EHMT1: variants seen among roughly 807,000 people sequenced by gnomAD.
EHMT1 encodes the protein histone-lysine N-methyltransferase EHMT1.
Under a neutral mutation model 147.2 loss-of-function variants are expected in EHMT1, and 15 were observed. The observed-to-expected ratio is 0.10, with a 90% CI of 0.07 to 0.16. EHMT1 has a LOEUF of 0.16. EHMT1 is among the 10% of genes least tolerant of loss of function. EHMT1 has a pLI of 1.00. For synonymous variants in EHMT1, 795 were observed against 709.6 expected (o/e 1.12, Z -1.91); for missense variants, 1,587 against 1,772.4 (o/e 0.90, Z 1.88).
In EHMT1 at chr9:137,634,981, A is replaced by G. The variant is rs1156696978; in HGVS notation, c.21+15932A>G. ...GTGATCCGCCGGCCTCGGCCTCCCA[A>G]AGTGCTGGGATTACAGGTGTGAGCC... On this transcript the variant is annotated intron_variant, in intron 1 of 26. Coordinates refer to ENST00000460843, the MANE Select transcript of EHMT1 (RefSeq NM_024757.5). Among the ~76,000 whole-genome samples, 6 of 149,970 alleles carry G rather than the reference A, an allele frequency of 4.0e-5. No homozygotes were observed. In the Admixed American group the frequency reaches 4.0e-4, roughly 10 times the overall value.
intron 23 of EHMT1, 63 bp from the exon 24 acceptor site, chr9:137,817,376 C>T: frequency 6.3e-7 from 1 of 1,595,590 alleles, no homozygotes. Context: ...CTGGCTTTTG[C>T]TGACCATTGT....
chr9:137,625,535 G>A (rs185919952), intron 1 of EHMT1, among the ~76,000 whole-genome samples: 124 of 151,814 alleles, frequency 8.2e-4, no homozygotes, highest in African/African-American at 2.9e-3. Flanking sequence ...ATGGGGTTTT[G>A]TCATGTTGAC....
chr9:137,767,548 C>T (rs1240639282), intron 10 of EHMT1, among the ~76,000 whole-genome samples: 3 of 152,184 alleles, frequency 2.0e-5, no homozygotes, highest in African/African-American at 7.2e-5. Context: ...TGAGGTGGCT[C>T]ACGCCTATAA....
intron 16 of EHMT1, among the ~76,000 whole-genome samples, chr9:137,798,603 C>T (rs1316865362): frequency 3.3e-5 from 5 of 152,126 alleles, no homozygotes; most frequent in Non-Finnish European, 5.9e-5. Flanking sequence ...CTGTGCCAGG[C>T]GACTGACCAC....
At position 137,708,437 on chromosome 9, in the gene EHMT1, T is replaced by C. The variant is rs569459906; in HGVS notation, c.22-2530T>C. ...GACATTAAAGCCCATCTTGGATGCA[T>C]CTTTGTCCCATGCGTGATTTTGAAT... On this transcript the variant is annotated intron_variant, in intron 1 of 26. Transcript: ENST00000460843. 1.1e-3 allele frequency among the ~76,000 whole-genome samples: 163 copies of C among 152,378 alleles called. 1 individual carries two copies. The highest frequency in any genetic ancestry group is 1.9e-3 in the Admixed American group (29 of 15,298).
At chr9:137,654,369 AC>A (rs1300654812) in intron 1 of EHMT1, among the ~76,000 whole-genome samples, 1 of 35,902 alleles carries the variant, frequency 2.8e-5, no homozygotes, top group Non-Finnish European at 5.5e-5. Context: ...CCCACCCCCC[AC>A]CCCTTACCAC....
chr9:137,760,532 C>T (rs949692338), intron 9 of EHMT1, among the ~76,000 whole-genome samples: 7 of 152,172 alleles, frequency 4.6e-5, no homozygotes, highest in African/African-American at 7.2e-5. Flanking sequence ...GCTGGGACCT[C>T]GGGCAGCACA....
intron 25 of EHMT1, chr9:137,834,021 G>T (rs1956415505): frequency 7.3e-6 from 3 of 409,510 alleles, no homozygotes; most frequent in Non-Finnish European, 1.4e-5. Flanking sequence ...CAGCCCCATG[G>T]GTCCTCGGGT....
At chr9:137,772,814 C>T (rs1950677179) in intron 10 of EHMT1, among the ~76,000 whole-genome samples, 1 of 152,232 alleles carries the variant, frequency 6.6e-6, no homozygotes, top group African/African-American at 2.4e-5. Context: ...AGTGGGGCCA[C>T]CCCAGTGCAT....
intron 1 of EHMT1, among the ~76,000 whole-genome samples, chr9:137,634,065 G>A (rs931384393): frequency 4.6e-5 from 7 of 152,090 alleles, no homozygotes; most frequent in Admixed American, 3.9e-4. Flanking sequence ...CACCTGCCTC[G>A]GCCTCTCAAA....
At chr9:137,815,279 G>C (rs566599634) in intron 22 of EHMT1, 1 of 168,586 alleles carries the variant, frequency 5.9e-6, no homozygotes, top group Non-Finnish European at 1.3e-5. Flanking sequence ...GAGATGGTAC[G>C]CTCAGAAAGC....
chr9:137,725,213 G>A (rs1358357915), intron 3 of EHMT1, among the ~76,000 whole-genome samples: 2 of 151,388 alleles, frequency 1.3e-5, no homozygotes. Context: ...GCCTTCGTGG[G>A]GCAGGTATGT....
rs748259939 is a variant in EHMT1, at chr9:137,743,480, G to T, written c.933G>T (p.Thr311=). ...KKKTKVLKQR[T]VIEMFKSITH... is the part of the protein sequence containing the mutation. ...AGACCAAAGTATTAAAACAGAGGACGGTGATTGAGATGTTTAAGAGCATAA... is the reference window on the plus strand; with the variant it reads ...AGACCAAAGTATTAAAACAGAGGACTGTGATTGAGATGTTTAAGAGCATAA... The change falls in exon 5 of 27, where the codon ACG becomes ACT. Residue 311 remains threonine, a synonymous_variant. Transcript: ENST00000460843. 6.2e-7 allele frequency: 1 copy of T among 1,614,084 alleles called. No homozygotes were observed. Among genetic ancestry groups the T allele is most frequent in the Non-Finnish European group, 8.5e-7 (1 of 1,180,014 alleles).
intron 16 of EHMT1, among the ~76,000 whole-genome samples, chr9:137,795,401 G>GCACACACACACA (rs554055210): frequency 0.079 from 10,323 of 130,148 alleles, 547 homozygotes; most frequent in African/African-American, 0.14. Flanking sequence ...ATCGCAGGGT[G>GCACACACACACA]CACACACACA....
chr9:137,794,167 C>T (rs1211123376), intron 16 of EHMT1, among the ~76,000 whole-genome samples: 2 of 152,148 alleles, frequency 1.3e-5, no homozygotes, highest in Admixed American at 1.3e-4. Flanking sequence ...TTCTTTGAAA[C>T]ACCTAAATGG....
chr9:137,697,592 T>C (rs1193081052), intron 1 of EHMT1, among the ~76,000 whole-genome samples: 1 of 152,226 alleles, frequency 6.6e-6, no homozygotes, highest in Non-Finnish European at 1.5e-5. Context: ...AATCTTACTG[T>C]TGAGATTAGA....
intron 16 of EHMT1, chr9:137,792,150 T>G (rs1432200856): frequency 2.1e-6 from 1 of 467,184 alleles, no homozygotes; most frequent in Non-Finnish European, 4.4e-6. Flanking sequence ...TCACACTTGC[T>G]GATTTCAAAA....
chr9:137,705,020 C>T (rs986849995), intron 1 of EHMT1, among the ~76,000 whole-genome samples: 2 of 148,312 alleles, frequency 1.3e-5, no homozygotes, highest in African/African-American at 5.0e-5. Flanking sequence ...CAGCGTCTTC[C>T]TCTGTCACCC....
intron 2 of EHMT1, among the ~76,000 whole-genome samples, chr9:137,711,465 C>G (rs957840634): frequency 6.6e-6 from 1 of 152,156 alleles, no homozygotes; most frequent in Non-Finnish European, 1.5e-5. Flanking sequence ...TGACGCCGCG[C>G]CATGGATGAA....
Sources: gnomAD v4.1 joint callset for allele counts (sites outside exome capture counted in the v4.1 genomes callset) on GRCh38, gnomAD v4.1.1 for gene constraint, MANE v1.5 for transcripts, NCBI Gene and HGNC (gene_info 2026-07-23, HGNC 2026-07-21) for gene names.